ZMIZ1: variants seen among roughly 807,000 people sequenced by gnomAD.
ZMIZ1 encodes zinc finger MIZ domain-containing protein 1.
Under a neutral mutation model 113.9 loss-of-function variants are expected in ZMIZ1, and 17 were observed. The ratio of observed to expected loss-of-function variants is 0.15; its 90% CI spans 0.10 to 0.22. The LOEUF (loss-of-function observed/expected upper bound fraction) is 0.22, where lower values mean the gene tolerates loss of function less well. Ranked by LOEUF, ZMIZ1 falls within the 10% of genes least tolerant of loss-of-function variation. The pLI, the probability that ZMIZ1 is intolerant of heterozygous loss-of-function variation, is 1.00. For synonymous variants in ZMIZ1, 607 were observed against 603.1 expected (o/e 1.01, Z -0.09); for missense variants, 1,059 against 1,477.8 (o/e 0.72, Z 4.65).
chr10:79,089,623 T>C (rs907422317), intron 1 of ZMIZ1, among the ~76,000 whole-genome samples: 1 of 152,038 alleles, frequency 6.6e-6, no homozygotes, highest in African/African-American at 2.4e-5. Context: ...TGCTGCATGC[T>C]CCCTGAAGAC....
chr10:79,176,116 C>T (rs1186759610), intron 4 of ZMIZ1, among the ~76,000 whole-genome samples: 4 of 151,840 alleles, frequency 2.6e-5, no homozygotes, highest in Admixed American at 2.6e-4. Context: ...GGGGATGGGG[C>T]AGCCACACAG....
chr10:79,106,750 G>T (rs1030526998), intron 1 of ZMIZ1, among the ~76,000 whole-genome samples: 29 of 152,254 alleles, frequency 1.9e-4, no homozygotes, highest in African/African-American at 6.8e-4. Flanking sequence ...TACCCAGGAA[G>T]TGTGTTGATG....
chr10:79,243,347 T>G (rs1228520849), intron 7 of ZMIZ1, among the ~76,000 whole-genome samples: 1 of 149,452 alleles, frequency 6.7e-6, no homozygotes, highest in Admixed American at 6.6e-5. Flanking sequence ...GGCTGCCTCC[T>G]CGGCGGCGGC....
At position 79,291,055 on chromosome 10, in the gene ZMIZ1, T is replaced by C; in HGVS notation, c.637T>C (p.Ser213Pro). 1 of 1,614,012 alleles carries C rather than the reference T, an allele frequency of 6.2e-7. No individual in the cohort carries two copies. The highest frequency in any genetic ancestry group is 8.5e-7 in the Non-Finnish European group (1 of 1,180,014). Reference protein sequence around the residue: ...GMTTSNPGLNSPQFAGQQQQF... With the variant: ...GMTTSNPGLNPPQFAGQQQQF... ...GACCACCAGCAACCCAGGCCTCAAC[T>C]CCCCACAGTTTGCGGGGCAGCAGCA... is the stretch of plus-strand genomic sequence containing the variant. Residue 213 changes from serine to proline, a missense_variant, in exon 10 of 25, where the codon TCC becomes CCC. Physicochemically the swap from Ser to Pro is moderately conservative, Grantham distance 74 (BLOSUM62 -1). Coordinates refer to ENST00000334512, the MANE Select transcript of ZMIZ1 (RefSeq NM_020338.4).
At position 79,307,266 on chromosome 10, in the gene ZMIZ1, GC is replaced by G. The variant is rs1257384338; in HGVS notation, c.2669-137del. On this transcript the variant is annotated intron_variant, in intron 22 of 24. Coordinates refer to ENST00000334512, the MANE Select transcript of ZMIZ1 (RefSeq NM_020338.4). Reference sequence around the variant, plus strand: ...GGCTGCTCTATCCTACAGCCCGGAAGCCTCGGGCTGCTGTGACCTACTACAG... The same window carrying G: ...GGCTGCTCTATCCTACAGCCCGGAAGCTCGGGCTGCTGTGACCTACTACAG... 5 of 786,990 alleles carry G rather than the reference GC, an allele frequency of 6.4e-6. No individual in the cohort carries two copies. The African/African-American group carries it at 8.7e-5, about 14-fold the overall frequency. 48.8% of individuals were successfully genotyped at this position (786,990 alleles called of 1,614,324 possible).
chr10:79,265,395 G>A (rs1851534362), intron 7 of ZMIZ1, among the ~76,000 whole-genome samples: 1 of 152,080 alleles, frequency 6.6e-6, no homozygotes, highest in Non-Finnish European at 1.5e-5. Context: ...TGGGGACCGG[G>A]GGTGGGGGCA....
At chr10:79,309,369 C>T (rs781014868) in intron 23 of ZMIZ1, among the ~76,000 whole-genome samples, 1 of 152,206 alleles carries the variant, frequency 6.6e-6, no homozygotes, top group Non-Finnish European at 1.5e-5. Context: ...TGTGGAGCCC[C>T]TCCCTGCTCT....
At chr10:79,090,821 G>A (rs1695583470) in intron 1 of ZMIZ1, among the ~76,000 whole-genome samples, 2 of 152,226 alleles carry the variant, frequency 1.3e-5, no homozygotes, top group African/African-American at 4.8e-5. Flanking sequence ...TATGTGCCCA[G>A]GGCCAGACTG....
chr10:79,082,857 G>A (rs894620846), intron 1 of ZMIZ1, among the ~76,000 whole-genome samples: 2 of 152,296 alleles, frequency 1.3e-5, no homozygotes, highest in African/African-American at 2.4e-5. Context: ...GTGGGGCCTC[G>A]TGCCAGCCTG....
chr10:79,137,201 G>A (rs1331278339), intron 2 of ZMIZ1, among the ~76,000 whole-genome samples: 3 of 152,188 alleles, frequency 2.0e-5, no homozygotes, highest in Admixed American at 6.5e-5. Context: ...CCACTTTGGT[G>A]GTCCTGACAG....
At chr10:79,206,673 C>A (rs1665014691) in intron 5 of ZMIZ1, among the ~76,000 whole-genome samples, 1 of 152,344 alleles carries the variant, frequency 6.6e-6, no homozygotes, top group East Asian at 1.9e-4. Flanking sequence ...AGCTGTACTT[C>A]CAGGAGAGCC....
rs539942005 is a variant in ZMIZ1, at chr10:79,109,695, A to T, written c.-336-9220A>T. Among the ~76,000 whole-genome samples, 27 of 152,346 alleles carry T rather than the reference A, an allele frequency of 1.8e-4. No individual in the cohort carries two copies. The East Asian group carries it at 5.2e-3, about 30-fold the overall frequency. On this transcript the variant is annotated intron_variant, in intron 1 of 24. Transcript: ENST00000334512. ...CAGCCCCGGGTCGTGGGAGAAGCCC[A>T]GTCAAGAGTCAGGCAGCCAGGTGCA...
At chr10:79,185,570 G>A (rs1398921757) in intron 4 of ZMIZ1, among the ~76,000 whole-genome samples, 1 of 151,988 alleles carries the variant, frequency 6.6e-6, no homozygotes, top group Non-Finnish European at 1.5e-5. Flanking sequence ...TATTTGGAAA[G>A]CAGAGGGTCT....
At chr10:79,094,981 A>AAAGC (rs555041003) in intron 1 of ZMIZ1, among the ~76,000 whole-genome samples, 1,523 of 150,484 alleles carry the variant, frequency 0.01, 14 homozygotes, top group Non-Finnish European at 0.014. Flanking sequence ...AGAGAGAGAG[A>AAAGC]AAGCAAGCAA....
intron 3 of ZMIZ1, among the ~76,000 whole-genome samples, chr10:79,143,720 G>A (rs145588873): frequency 9.2e-5 from 14 of 152,016 alleles, no homozygotes; most frequent in Admixed American, 3.3e-4. Flanking sequence ...GGTCAGGAAC[G>A]GCTGCACACA....
At chr10:79,308,451 C>T (rs983060066) in intron 23 of ZMIZ1, among the ~76,000 whole-genome samples, 1 of 152,166 alleles carries the variant, frequency 6.6e-6, no homozygotes, top group Non-Finnish European at 1.5e-5. Flanking sequence ...TCACTGAGCA[C>T]GTGGCTGGGG....
chr10:79,279,253 G>A (rs1337054485), intron 8 of ZMIZ1, among the ~76,000 whole-genome samples: 1 of 151,302 alleles, frequency 6.6e-6, no homozygotes, highest in African/African-American at 2.4e-5. Context: ...CAGACTGGGC[G>A]GCCGGTCAGA....
chr10:79,122,634 T>C lies in ZMIZ1; in HGVS notation c.-227+3610T>C, dbSNP rs540598786. Among the ~76,000 whole-genome samples the C allele has an allele frequency of 2.6e-5, 4 of 152,340 alleles. No homozygotes were observed. In the South Asian group the frequency reaches 8.3e-4, roughly 32 times the overall value. On this transcript the variant is annotated intron_variant, in intron 2 of 24. Coordinates refer to ENST00000334512, the MANE Select transcript of ZMIZ1 (RefSeq NM_020338.4). ...TTTACTCTGTGATACCTTCAGTAGC[T>C]GCAATGACCTCTTGCACTATAGAGT... is the stretch of plus-strand genomic sequence containing the variant.
At position 79,095,586 on chromosome 10, in the gene ZMIZ1, G is replaced by A. The variant is rs143646161; in HGVS notation, c.-336-23329G>A. Among the ~76,000 whole-genome samples, 187 of 152,314 alleles carry A rather than the reference G, an allele frequency of 1.2e-3. 2 individuals are homozygous for A. Among genetic ancestry groups the A allele is most frequent in the African/African-American group, 4.2e-3 (173 of 41,582 alleles). Reference sequence around the variant, plus strand: ...TCCTTCTTACCTGACTGCTCTGAGTGCAGATCTATGCTGCTTCCCATCTTC... The same window carrying A: ...TCCTTCTTACCTGACTGCTCTGAGTACAGATCTATGCTGCTTCCCATCTTC... On this transcript the variant is annotated intron_variant, in intron 1 of 24. Transcript: ENST00000334512.
Sources: allele counts gnomAD v4.1 joint callset (sites outside exome capture counted in the v4.1 genomes callset), GRCh38; gene constraint gnomAD v4.1.1; transcripts MANE v1.5; gene names NCBI Gene and HGNC (gene_info 2026-07-23, HGNC 2026-07-21).